Variants in GPR89A observed in about 807,000 individuals in gnomAD.
GPR89A encodes the protein golgi pH regulator A, also known as G protein-coupled receptor 89A.
GPR89A carries 16 observed loss-of-function variants against 52.0 expected under a neutral mutation model. The observed-to-expected ratio is 0.31, with a 90% CI of 0.21 to 0.47. The LOEUF (loss-of-function observed/expected upper bound fraction) is 0.47. Among genes scored for constraint, GPR89A ranks in the 20% least tolerant of loss-of-function variants. The pLI, the probability that GPR89A is intolerant of heterozygous loss-of-function variation, is 1.00. For synonymous variants in GPR89A, 55 were observed against 150.9 expected (o/e 0.36, Z 4.66); for missense variants, 135 against 449.4 (o/e 0.30, Z 6.33).
At chr1:145,668,358 T>C (rs1652720877) in intron 12 of GPR89A, among the ~76,000 whole-genome samples, 1 of 152,332 alleles carries the variant, frequency 6.6e-6, no homozygotes, top group African/African-American at 2.4e-5. Flanking sequence ...TCACTCATGA[T>C]TTGGCTCTCT....
At chr1:145,615,938 T>C (rs1648653114) in intron 1 of GPR89A, among the ~76,000 whole-genome samples, 1 of 151,620 alleles carries the variant, frequency 6.6e-6, no homozygotes, top group Admixed American at 6.6e-5. Context: ...CTTTTCTATT[T>C]GCAAACTTCT....
intron 1 of GPR89A, among the ~76,000 whole-genome samples, chr1:145,613,461 G>A (rs184060142): frequency 1.3e-5 from 2 of 152,106 alleles, no homozygotes; most frequent in East Asian, 3.9e-4. Context: ...CTTCCATACA[G>A]CCACCATACC....
chr1:145,630,297 G>A (rs1448857500), intron 5 of GPR89A, among the ~76,000 whole-genome samples: 2 of 120,312 alleles, frequency 1.7e-5, no homozygotes, highest in Non-Finnish European at 3.4e-5. Flanking sequence ...TTAGCACAAA[G>A]TAGTTCCTGC....
Position 145,635,730 on chromosome 1 carries a change from G to A in GPR89A, c.617+3986G>A, listed in dbSNP as rs587699805. Among the ~76,000 whole-genome samples the A allele has an allele frequency of 1.5e-3, 224 of 151,776 alleles. 1 individual carries two copies. The highest frequency in any genetic ancestry group is 2.8e-3 in the Admixed American group (43 of 15,294). The stretch of plus-strand genomic sequence containing the variant: ...GGGTACTCATGCCTGTAACCCTAAC[G>A]CTTTGAGAGGCTGAGGTCATGAGTT... On this transcript the variant is annotated intron_variant, in intron 7 of 13. Coordinates refer to ENST00000313835, the MANE Select transcript of GPR89A (RefSeq NM_001097612.2).
chr1:145,623,014 C>G, intron 3 of GPR89A, 40 bp from the exon 4 acceptor site: 3 of 1,597,542 alleles, frequency 1.9e-6, no homozygotes, highest in Non-Finnish European at 2.6e-6. Context: ...AGTTGCTGCC[C>G]TCTCTTCCTC....
chr1:145,623,004 A>G, intron 3 of GPR89A, 50 bp from the exon 4 acceptor site: 1 of 1,598,092 alleles, frequency 6.3e-7, no homozygotes, highest in Non-Finnish European at 8.5e-7. Flanking sequence ...AGAGAAAGAA[A>G]GTTGCTGCCC....
chr1:145,648,818 T>TCTG (rs1280438886), intron 10 of GPR89A, among the ~76,000 whole-genome samples: 1 of 95,516 alleles, frequency 1.0e-5, no homozygotes, highest in Non-Finnish European at 1.9e-5. Context: ...TTTTTTTTTG[T>TCTG]TGAAGACGGA....
In GPR89A at chr1:145,663,483, C is replaced by A. The variant is rs2624711; in HGVS notation, c.1005+59C>A. The A allele has an allele frequency of 1.9e-6, 3 of 1,604,156 alleles. No individual in the cohort carries two copies. In the Admixed American group the frequency reaches 5.0e-5, roughly 27 times the overall value. On this transcript the variant is annotated intron_variant, in intron 11 of 13. Transcript: ENST00000313835. ...TTTCTGTTTTATCTACTATAACTTA[C>A]CATTGTTAAGATTCTAATTTGTATA... is the stretch of plus-strand genomic sequence containing the variant.
At chr1:145,654,949 G>T (rs1316400224) in intron 10 of GPR89A, among the ~76,000 whole-genome samples, 5 of 150,286 alleles carry the variant, frequency 3.3e-5, no homozygotes, top group Non-Finnish European at 5.9e-5. Flanking sequence ...CGTAGGTTCG[G>T]TATTTTTATG....
chr1:145,632,534 T>C (rs1171271065), intron 7 of GPR89A, among the ~76,000 whole-genome samples: 1 of 152,216 alleles, frequency 6.6e-6, no homozygotes, highest in African/African-American at 2.4e-5. Flanking sequence ...TTTGCTAGCA[T>C]AGTGCTCTCC....
At chr1:145,627,644 T>C (rs1649599356) in intron 5 of GPR89A, among the ~76,000 whole-genome samples, 2 of 152,178 alleles carry the variant, frequency 1.3e-5, no homozygotes, top group Admixed American at 1.3e-4. Flanking sequence ...CCCCTGAAAT[T>C]GATAGTCTTG....
At chr1:145,656,047 A>G (rs1406139357) in intron 10 of GPR89A, among the ~76,000 whole-genome samples, 1 of 152,036 alleles carries the variant, frequency 6.6e-6, no homozygotes, top group African/African-American at 2.4e-5. Context: ...TCCCACCTAA[A>G]GAAGCGGTCT....
chr1:145,619,964 G>A (rs1649010655), intron 3 of GPR89A, among the ~76,000 whole-genome samples: 1 of 151,952 alleles, frequency 6.6e-6, no homozygotes, highest in Non-Finnish European at 1.5e-5. Context: ...GCAGTGAGCC[G>A]AGATTGTGCC....
chr1:145,649,025 CG>C (rs1553693120), intron 10 of GPR89A, among the ~76,000 whole-genome samples: 3 of 149,192 alleles, frequency 2.0e-5, no homozygotes, highest in African/African-American at 7.4e-5. Flanking sequence ...AGGATGGTCT[CG>C]ATCTCCTGAC....
intron 10 of GPR89A, among the ~76,000 whole-genome samples, chr1:145,658,455 GACAC>G (rs782268635): frequency 6.7e-6 from 1 of 149,222 alleles, no homozygotes; most frequent in Admixed American, 6.7e-5. Context: ...CTCCCTCCCC[GACAC>G]ACACACACAC....
At chr1:145,652,967 C>CT (rs1386119479) in intron 10 of GPR89A, among the ~76,000 whole-genome samples, 1 of 108,984 alleles carries the variant, frequency 9.2e-6, no homozygotes, top group Admixed American at 9.0e-5. Context: ...TTTTCGTGCT[C>CT]TATCTCCTGC....
intron 11 of GPR89A, 116 bp downstream of exon 11, chr1:145,663,540 C>T: frequency 1.1e-6 from 1 of 923,170 alleles, no homozygotes; most frequent in Non-Finnish European, 1.6e-6. Context: ...TTTGTTCTTC[C>T]CACTCTGTAT....
chr1:145,656,136 G>A (rs587686564), intron 10 of GPR89A, among the ~76,000 whole-genome samples: 6,063 of 152,192 alleles, frequency 0.04, 280 homozygotes, highest in African/African-American at 0.14. Flanking sequence ...CCCCGGCACT[G>A]GCAGGGGAAA....
chr1:145,622,212 A>G (rs1343226471), intron 3 of GPR89A, among the ~76,000 whole-genome samples: 2 of 151,042 alleles, frequency 1.3e-5, no homozygotes, highest in Non-Finnish European at 3.0e-5. Flanking sequence ...TAATATATCC[A>G]TATAATGGGA....
Sources: gnomAD v4.1 joint callset for allele counts (sites outside exome capture counted in the v4.1 genomes callset) on GRCh38, gnomAD v4.1.1 for gene constraint, MANE v1.5 for transcripts, NCBI Gene and HGNC (gene_info 2026-07-23, HGNC 2026-07-21) for gene names.